Variants in NRP1 observed in about 807,000 individuals in gnomAD.
The protein encoded by NRP1 is neuropilin 1.
Under a neutral mutation model 106.7 loss-of-function variants are expected in NRP1, and 35 were observed. The observed-to-expected ratio is 0.33, with a 90% CI of 0.25 to 0.43. The LOEUF (loss-of-function observed/expected upper bound fraction) is 0.43. Among genes scored for constraint, NRP1 ranks in the 20% least tolerant of loss-of-function variants. NRP1 has a pLI of 1.00. For missense variants in NRP1, 1,024 were observed against 1,170.4 expected, an observed-to-expected ratio of 0.87 and a Z score of 1.83; for synonymous variants, 437 against 417.9, an observed-to-expected ratio of 1.05 and a Z score of -0.56.
In NRP1 at chr10:33,334,357, C is replaced by G; in HGVS notation, c.26G>C (p.Cys9Ser). ...GGCGAGGACGAGGGCGAGCACGGCG[C>G]AGAGGAGCGGCAGCCCCCTCTCCAT... The part of the protein sequence containing the change: MERGLPLL[C>S]AVLALVLAPA... Residue 9 changes from cysteine to serine, a missense_variant, in exon 1 of 17, where the codon TGC (cysteine) becomes TCC (serine). This residue lies in a region of NRP1 where 279 missense variants were observed against 327.4 expected (regional missense o/e 0.85). Coordinates refer to ENST00000374867, the MANE Select transcript of NRP1 (RefSeq NM_003873.7). The G allele has an allele frequency of 6.5e-7, 1 of 1,546,762 alleles. No homozygotes were observed. Among genetic ancestry groups the G allele is most frequent in the Non-Finnish European group, 8.7e-7 (1 of 1,147,470 alleles).
intron 9 of NRP1, chr10:33,211,861 G>C (rs1035061969): frequency 6.6e-6 from 1 of 152,234 alleles, no homozygotes; most frequent in Non-Finnish European, 1.5e-5. Context: ...GGGATGGAAA[G>C]GCTAAGACCA....
chr10:33,223,776 G>C (rs1007592992), intron 7 of NRP1, among the ~76,000 whole-genome samples: 23 of 152,206 alleles, frequency 1.5e-4, no homozygotes, highest in African/African-American at 5.1e-4. Flanking sequence ...GAGCATTTTT[G>C]TGTGACAAAG....
intron 7 of NRP1, among the ~76,000 whole-genome samples, chr10:33,225,325 A>T (rs1300570957): frequency 6.6e-6 from 1 of 152,194 alleles, no homozygotes; most frequent in African/African-American, 2.4e-5. Context: ...GAGACAGGTT[A>T]ATTGGCCTCT....
At chr10:33,240,196 C>T (rs1840907052) in intron 6 of NRP1, among the ~76,000 whole-genome samples, 1 of 152,162 alleles carries the variant, frequency 6.6e-6, no homozygotes, top group South Asian at 2.1e-4. Context: ...TATTCACACA[C>T]ACACAGACAC....
intron 8 of NRP1, among the ~76,000 whole-genome samples, chr10:33,220,903 A>T (rs1235130670): frequency 1.5e-5 from 2 of 130,748 alleles, no homozygotes; most frequent in Non-Finnish European, 3.4e-5. Context: ...TCAGTCTCAA[A>T]AAAAAAAAAA....
intron 6 of NRP1, among the ~76,000 whole-genome samples, chr10:33,243,966 C>T (rs1352033814): frequency 2.3e-5 from 3 of 129,970 alleles, no homozygotes; most frequent in African/African-American, 1.0e-4. Context: ...TGTGTGTGTG[C>T]ATGCATGCTT....
intron 4 of NRP1, among the ~76,000 whole-genome samples, chr10:33,260,322 A>G (rs1414097061): frequency 6.6e-6 from 1 of 152,198 alleles, no homozygotes; most frequent in East Asian, 1.9e-4. Context: ...GCTTTTCCCC[A>G]GAAAAAATCT....
chr10:33,250,159 T>C (rs1841743763), intron 6 of NRP1, among the ~76,000 whole-genome samples: 1 of 152,246 alleles, frequency 6.6e-6, no homozygotes, highest in African/African-American at 2.4e-5. Context: ...CTAAGGTTCT[T>C]GTGATTAGAG....
At chr10:33,207,776 C>T (rs554836043) in intron 9 of NRP1, 60 bp from the exon 10 acceptor site, 2 of 1,578,460 alleles carry the variant, frequency 1.3e-6, no homozygotes, top group East Asian at 2.2e-5. Flanking sequence ...TCCCTTTTAG[C>T]AACTGTTTCT....
At chr10:33,221,884 C>T in intron 7 of NRP1, 21 bp from the exon 8 acceptor site, 1 of 1,587,388 alleles carries the variant, frequency 6.3e-7, no homozygotes. Context: ...AAAAAAAGTG[C>T]CTTTCTTTAG....
intron 6 of NRP1, among the ~76,000 whole-genome samples, chr10:33,231,691 G>A (rs919650813): frequency 2.6e-5 from 4 of 151,988 alleles, no homozygotes; most frequent in Admixed American, 2.0e-4. Flanking sequence ...TGCAAAACGC[G>A]AACCCATGAC....
chr10:33,279,687 G>A (rs181516561), intron 2 of NRP1, among the ~76,000 whole-genome samples: 7 of 152,150 alleles, frequency 4.6e-5, no homozygotes, highest in African/African-American at 7.2e-5. Flanking sequence ...GAGGGGCTGC[G>A]GATCTTGGGG....
intron 2 of NRP1, among the ~76,000 whole-genome samples, chr10:33,287,876 GA>G (rs1844693878): frequency 6.6e-6 from 1 of 152,128 alleles, no homozygotes; most frequent in African/African-American, 2.4e-5. Context: ...AAGATCATTT[GA>G]GGACATTTCC....
At chr10:33,253,831 A>G (rs1842020863) in intron 6 of NRP1, among the ~76,000 whole-genome samples, 197 bp downstream of exon 6, 2 of 152,196 alleles carry the variant, frequency 1.3e-5, no homozygotes, top group Admixed American at 1.3e-4. Context: ...CTGATCGTGT[A>G]GCGATGGGCT....
rs536606709 is a variant in NRP1 at position 33,330,581 on chromosome 10, T to C, written c.248+127A>G. 24 of 649,802 alleles carry C rather than the reference T, an allele frequency of 3.7e-5. 1 individual carries two copies. In the South Asian group the frequency reaches 1.0e-3, roughly 27 times the overall value. The allele number at this position is 649,802 out of a possible 1,614,324, so 40.3% of individuals were successfully genotyped here. On this transcript the variant is annotated intron_variant, in intron 2 of 16. Coordinates refer to ENST00000374867, the MANE Select transcript of NRP1 (RefSeq NM_003873.7). ...ATTTCCATACCATTGACATATAATC[T>C]GGCTGAGATTGGAATCCCTCCTGGA...
At chr10:33,230,054 G>A (rs1337983931) in intron 6 of NRP1, among the ~76,000 whole-genome samples, 1 of 151,514 alleles carries the variant, frequency 6.6e-6, no homozygotes, top group Non-Finnish European at 1.5e-5. Flanking sequence ...AAACCGGATA[G>A]TACCCAGAAC....
intron 2 of NRP1, among the ~76,000 whole-genome samples, chr10:33,285,126 C>A (rs1844421986): frequency 1.3e-5 from 2 of 152,308 alleles, no homozygotes; most frequent in Admixed American, 1.3e-4. Context: ...GATGCTGATA[C>A]CTAAGACTGT....
At chr10:33,272,880 T>C (rs1564444557) in intron 2 of NRP1, among the ~76,000 whole-genome samples, 1 of 151,980 alleles carries the variant, frequency 6.6e-6, no homozygotes, top group Non-Finnish European at 1.5e-5. Context: ...CAAGCACAAA[T>C]AAGAGAGGTG....
chr10:33,285,322 A>T (rs1844441193), intron 2 of NRP1, among the ~76,000 whole-genome samples: 1 of 152,222 alleles, frequency 6.6e-6, no homozygotes, highest in Non-Finnish European at 1.5e-5. Flanking sequence ...CCAAGGTTGC[A>T]TTTTATAGAT....
Sources: allele counts gnomAD v4.1 joint callset (sites outside exome capture counted in the v4.1 genomes callset), GRCh38; gene constraint gnomAD v4.1.1; regional missense constraint gnomAD v4.1.1; transcripts MANE v1.5; gene names NCBI Gene and HGNC (gene_info 2026-07-23, HGNC 2026-07-21).